Variants in HMGB1 observed in about 807,000 individuals in gnomAD.
HMGB1 encodes the protein high mobility group box 1.
For synonymous variants in HMGB1, 81 were observed against 84.0 expected, an observed-to-expected ratio of 0.96 and a Z score of 0.19; for missense variants, 79 against 253.5, an observed-to-expected ratio of 0.31 and a Z score of 4.67.
chr13:30,491,174 G>A (rs529425349), intron 1 of HMGB1, among the ~76,000 whole-genome samples: 2 of 152,038 alleles, frequency 1.3e-5, no homozygotes, highest in African/African-American at 2.4e-5. Flanking sequence ...GATTACAGGC[G>A]TGTGGCACCA....
At chr13:30,517,064 T>C (rs1888118187) in intron 1 of HMGB1, among the ~76,000 whole-genome samples, 1 of 152,264 alleles carries the variant, frequency 6.6e-6, no homozygotes, top group Non-Finnish European at 1.5e-5. Flanking sequence ...AGCTGTGATG[T>C]ACTTCCAAAA....
chr13:30,571,148 GA>G (rs1870404057), intron 1 of HMGB1, among the ~76,000 whole-genome samples: 2 of 152,096 alleles, frequency 1.3e-5, no homozygotes, highest in South Asian at 2.1e-4. Flanking sequence ...ACAATCACAA[GA>G]AAATTTGTGA....
At chr13:30,575,453 C>T (rs1040400426) in intron 1 of HMGB1, among the ~76,000 whole-genome samples, 1 of 152,140 alleles carries the variant, frequency 6.6e-6, no homozygotes, top group African/African-American at 2.4e-5. Context: ...ATTAATACCT[C>T]CTGAAGTGCT....
chr13:30,468,557 T>C (rs1283061603), upstream of HMGB1, among the ~76,000 whole-genome samples: 1 of 152,104 alleles, frequency 6.6e-6, no homozygotes, highest in East Asian at 1.9e-4. Context: ...CCCGGCCTTG[T>C]TTTGTTTTTT....
chr13:30,464,249 G>T (rs1042958539), intron 1 of HMGB1: 1 of 985,426 alleles, frequency 1.0e-6, no homozygotes, highest in African/African-American at 1.7e-5. Context: ...CTCGGAACCC[G>T]GTTGGGGGGT....
intron 1 of HMGB1, among the ~76,000 whole-genome samples, chr13:30,475,088 T>G (rs1258771044): frequency 8.8e-6 from 1 of 113,562 alleles, no homozygotes; most frequent in Non-Finnish European, 1.7e-5. Context: ...TCGCCTAGGC[T>G]GGAGTGCAGT....
At chr13:30,590,445 C>G (rs1362081088) in intron 1 of HMGB1, among the ~76,000 whole-genome samples, 3 of 152,162 alleles carry the variant, frequency 2.0e-5, no homozygotes, top group Non-Finnish European at 4.4e-5. Context: ...AGTGATCCAC[C>G]TGCCTTGGCC....
At chr13:30,509,750 A>G (rs2137462416) in intron 1 of HMGB1, among the ~76,000 whole-genome samples, 1 of 152,346 alleles carries the variant, frequency 6.6e-6, no homozygotes, top group Admixed American at 6.5e-5. Flanking sequence ...TTTTCAACAT[A>G]TATAATGCAC....
chr13:30,485,582 C>A (rs1887347887), intron 1 of HMGB1, among the ~76,000 whole-genome samples: 1 of 152,128 alleles, frequency 6.6e-6, no homozygotes. Context: ...TAATCAAGTG[C>A]ATGCTGAGAC....
At chr13:30,500,636 G>T (rs1457881821) in intron 1 of HMGB1, among the ~76,000 whole-genome samples, 1 of 151,418 alleles carries the variant, frequency 6.6e-6, no homozygotes, top group African/African-American at 2.4e-5. Flanking sequence ...CTGCCTCCTG[G>T]GTTCAAGCGA....
chr13:30,465,416 G>T (rs1344044378), intron 1 of HMGB1, among the ~76,000 whole-genome samples: 1 of 141,682 alleles, frequency 7.1e-6, no homozygotes, highest in East Asian at 2.1e-4. Flanking sequence ...CGCCGGCCCC[G>T]CCGCCCCGGC....
chr13:30,505,618 CAACTT>C (rs1566009069), intron 1 of HMGB1, among the ~76,000 whole-genome samples: 1 of 149,944 alleles, frequency 6.7e-6, no homozygotes, highest in African/African-American at 2.5e-5. Flanking sequence ...ACCTATTTTT[CAACTT>C]CTTATTATGG....
chr13:30,512,440 G>A (rs770629100), intron 1 of HMGB1, among the ~76,000 whole-genome samples: 1 of 152,184 alleles, frequency 6.6e-6, no homozygotes, highest in East Asian at 1.9e-4. Flanking sequence ...AAGAATGAAC[G>A]TGACAGTTCA....
At chr13:30,498,947 C>T (rs1167526281) in intron 1 of HMGB1, among the ~76,000 whole-genome samples, 1 of 100,582 alleles carries the variant, frequency 9.9e-6, no homozygotes. Context: ...TGCGCCCAGC[C>T]TCTTTTTTGT....
intron 1 of HMGB1, among the ~76,000 whole-genome samples, chr13:30,539,097 A>G (rs1229816410): frequency 6.6e-6 from 1 of 152,060 alleles, no homozygotes; most frequent in Non-Finnish European, 1.5e-5. Context: ...CGGTTTCACC[A>G]TGTTGGCCTG....
At chr13:30,608,677 G>A (rs562914384) in intron 1 of HMGB1, among the ~76,000 whole-genome samples, 10 of 152,280 alleles carry the variant, frequency 6.6e-5, no homozygotes, top group Admixed American at 5.9e-4. Context: ...TAAATGTAGT[G>A]GGACAAGCTC....
At chr13:30,612,174 C>T (rs935347918) in intron 1 of HMGB1, among the ~76,000 whole-genome samples, 18 of 152,072 alleles carry the variant, frequency 1.2e-4, no homozygotes, top group African/African-American at 4.4e-4. Context: ...TATATACACA[C>T]ACATACATGT....
intron 1 of HMGB1, among the ~76,000 whole-genome samples, chr13:30,595,710 A>G (rs1871578406): frequency 1.3e-5 from 2 of 152,134 alleles, no homozygotes; most frequent in African/African-American, 2.4e-5. Flanking sequence ...GCACGATCCA[A>G]TTGCAAGGTG....
chr13:30,472,811 A>G (rs1370914864), intron 1 of HMGB1, among the ~76,000 whole-genome samples: 7 of 151,870 alleles, frequency 4.6e-5, no homozygotes, highest in African/African-American at 1.2e-4. Context: ...GAGGTCAACC[A>G]TATAACCATA....
Sources: allele counts gnomAD v4.1 joint callset (sites outside exome capture counted in the v4.1 genomes callset), GRCh38; gene constraint gnomAD v4.1.1; transcripts MANE v1.5; gene names NCBI Gene and HGNC (gene_info 2026-07-23, HGNC 2026-07-21).